The following PTPRS variants were observed in gnomAD, a reference collection of about 807,000 sequenced individuals.
PTPRS encodes the protein receptor-type tyrosine-protein phosphatase S.
PTPRS carries 63 observed loss-of-function variants against 215.3 expected under a neutral mutation model. The ratio of observed to expected loss-of-function variants is 0.29; its 90% CI spans 0.24 to 0.36. The LOEUF (loss-of-function observed/expected upper bound fraction) is 0.36, where lower values mean the gene tolerates loss of function less well. PTPRS is among the 10% of genes least tolerant of loss of function. The pLI is 1.00. For synonymous variants in PTPRS, 1,404 were observed against 1,191.4 expected, an observed-to-expected ratio of 1.18 and a Z score of -3.68; for missense variants, 2,258 against 2,825.8, an observed-to-expected ratio of 0.80 and a Z score of 4.56.
chr19:5,315,351 G>GTTT lies in PTPRS; in HGVS notation c.-95+25310_-95+25312dup, dbSNP rs952833168. On this transcript the variant is annotated intron_variant, in intron 1 of 37. Coordinates refer to ENST00000262963, the MANE Select transcript of PTPRS (RefSeq NM_002850.4). ...CATGGAGAATTTTTATTTGAAAAGG[G>GTTT]TTTTTTTTTTTTTTTTTTTTTTTTT... 9.9e-4 allele frequency among the ~76,000 whole-genome samples: 79 copies of GTTT among 79,780 alleles called. 1 individual carries two copies. Among genetic ancestry groups the GTTT allele is most frequent in the East Asian group, 5.6e-3 (14 of 2,478 alleles). The allele number at this position is 79,780 out of a possible 152,430, so 52.3% of individuals were successfully genotyped here. A position where few individuals can be genotyped will look rare whatever the true frequency, so the allele number is the denominator to read the frequency against.
Position 5,211,715 on chromosome 19 carries a change from A to G in PTPRS, c.5109T>C (p.Pro1703=), listed in dbSNP as rs754864083. 1 of 1,614,132 alleles carries G rather than the reference A, an allele frequency of 6.2e-7. No individual in the cohort carries two copies. The highest frequency in any genetic ancestry group is 1.1e-5 in the South Asian group (1 of 91,088). The change falls in exon 33 of 38, where the codon CCT becomes CCC. Residue 1703 remains proline, a synonymous_variant. Coordinates refer to ENST00000262963, the MANE Select transcript of PTPRS (RefSeq NM_002850.4). The part of the protein sequence containing the change: ...HTSRFISANL[P]CNKFKNRLVN... ...CCAGGCGGTTCTTGAACTTGTTACAAGGCAGATTGGCACTGATGAAGCGTG... is the reference window on the plus strand; with the variant it reads ...CCAGGCGGTTCTTGAACTTGTTACAGGGCAGATTGGCACTGATGAAGCGTG...
At position 5,287,467 on chromosome 19, in the gene PTPRS, C is replaced by T. The variant is rs943916084; in HGVS notation, c.-94-1233G>A. 1.3e-5 allele frequency among the ~76,000 whole-genome samples: 2 copies of T among 152,222 alleles called. No individual in the cohort carries two copies. The highest frequency in any genetic ancestry group is 2.9e-5 in the Non-Finnish European group (2 of 68,026). On this transcript the variant is annotated intron_variant, in intron 1 of 37. Transcript: ENST00000262963. The surrounding 1 kb of genome is among the most constrained non-coding windows in gnomAD (Gnocchi z 4.8). ...CTGGAATGGCCCCCTCCCCATCTCCCCAATCTCCACTCTGTCCAGAGCCAG... is the reference window on the plus strand; with the variant it reads ...CTGGAATGGCCCCCTCCCCATCTCCTCAATCTCCACTCTGTCCAGAGCCAG...
intron 13 of PTPRS, among the ~76,000 whole-genome samples, 164 bp from the exon 14 acceptor site, chr19:5,231,779 CA>C (rs2043038165): frequency 7.6e-6 from 1 of 131,562 alleles, no homozygotes; most frequent in Admixed American, 8.8e-5. Flanking sequence ...AAGTGGGTGT[CA>C]ACCAAAGGTG....
intron 13 of PTPRS, among the ~76,000 whole-genome samples, chr19:5,238,511 C>T (rs145839438): frequency 2.0e-5 from 3 of 152,272 alleles, no homozygotes; most frequent in Non-Finnish European, 2.9e-5. Context: ...GGGTGCGAGC[C>T]GTGACCACAG....
At chr19:5,315,587 ACT>A (rs1186082130) in intron 1 of PTPRS, among the ~76,000 whole-genome samples, 1 of 151,112 alleles carries the variant, frequency 6.6e-6, no homozygotes, top group Non-Finnish European at 1.5e-5. Flanking sequence ...CTGATCTGGA[ACT>A]CCAGGCCCCA....
At chr19:5,325,945 A>T (rs530534460) in intron 1 of PTPRS, among the ~76,000 whole-genome samples, 1 of 152,332 alleles carries the variant, frequency 6.6e-6, no homozygotes, top group African/African-American at 2.4e-5. Context: ...ATTCAATAAC[A>T]CTGGGACAGG....
Position 5,229,349 on chromosome 19 carries a change from G to A in PTPRS, c.2350-7C>T. On this transcript the variant is annotated splice_region_variant and splice_polypyrimidine_tract_variant and intron_variant, in intron 15 of 37. Transcript: ENST00000262963. ...CCGTGTCATCCGTCTCCCACTGAGC[G>A]CGGGAGGAGGCGGCAGGGGAGAGAG... 1.5e-6 allele frequency: 2 copies of A among 1,378,742 alleles called. No homozygotes were observed. The highest frequency in any genetic ancestry group is 1.5e-5 in the African/African-American group (1 of 66,754). 85.4% of individuals were successfully genotyped at this position (1,378,742 alleles called of 1,614,324 possible).
At chr19:5,223,591 C>A (rs2042212426) in intron 17 of PTPRS, among the ~76,000 whole-genome samples, 1 of 137,790 alleles carries the variant, frequency 7.3e-6, no homozygotes, top group Non-Finnish European at 1.5e-5. Context: ...GAGACAGAAT[C>A]TTGCTCTGTT....
Position 5,210,503 on chromosome 19 carries a change from T to C in PTPRS, c.5453A>G (p.Tyr1818Cys). The C allele has an allele frequency of 6.2e-7, 1 of 1,614,202 alleles. No homozygotes were observed. The highest frequency in any genetic ancestry group is 8.5e-7 in the Non-Finnish European group (1 of 1,180,038). Reference protein sequence around the residue: ...DPMAEYNMPQYILREFKVTDA... With the variant: ...DPMAEYNMPQCILREFKVTDA... ...TGTGACCTTGAACTCTCGCAGGATA[T>C]ACTGAGGCATGTTGTATTCTGCCAT... Residue 1818 changes from tyrosine to cysteine, a missense_variant, in exon 35 of 38, where the codon TAT becomes TGT. Physicochemically the swap from Tyr to Cys is radical, Grantham distance 194. This residue lies in a region of PTPRS where 927 missense variants were observed against 1,125.9 expected (regional missense o/e 0.82). Transcript: ENST00000262963. This position sits in a 1 kb window ranked among gnomAD's most constrained non-coding sequence, Gnocchi z 4.5.
At chr19:5,219,765 T>C (rs563268903) in intron 22 of PTPRS, among the ~76,000 whole-genome samples, 174 bp downstream of exon 22, 1 of 152,304 alleles carries the variant, frequency 6.6e-6, no homozygotes, top group East Asian at 1.9e-4. Flanking sequence ...CCAAGGTCTC[T>C]TCCTCTAAGA....
At position 5,293,265 on chromosome 19, in the gene PTPRS, CTGGGGAG is replaced by C. The variant is rs1038269956; in HGVS notation, c.-94-7038_-94-7032del. 5.4e-4 allele frequency: 76 copies of C among 141,680 alleles called. No homozygotes were observed. Among genetic ancestry groups the C allele is most frequent in the African/African-American group, 1.9e-3 (73 of 38,344 alleles). 8.8% of individuals were successfully genotyped at this position (141,680 alleles called of 1,614,324 possible). ...GCGAAGACTCGGGAGAGGCCTCGGC[CTGGGGAG>C]CTCGGCCTGGGGGCGGGGCAAGGGG... On this transcript the variant is annotated intron_variant, in intron 1 of 37. Coordinates refer to ENST00000262963, the MANE Select transcript of PTPRS (RefSeq NM_002850.4). The surrounding 1 kb of genome is among the most constrained non-coding windows in gnomAD (Gnocchi z 8.4).
At chr19:5,314,977 G>T (rs1292675929) in intron 1 of PTPRS, among the ~76,000 whole-genome samples, 1 of 152,194 alleles carries the variant, frequency 6.6e-6, no homozygotes, top group African/African-American at 2.4e-5. Context: ...CTACCATGAT[G>T]CATTTAGCGA....
chr19:5,252,108 C>T (rs918966958), intron 9 of PTPRS, among the ~76,000 whole-genome samples: 1 of 152,170 alleles, frequency 6.6e-6, no homozygotes, highest in Non-Finnish European at 1.5e-5. Flanking sequence ...GGCCTGGGGA[C>T]AGGTCACAAA....
At position 5,225,723 on chromosome 19, in the gene PTPRS, A is replaced by C; in HGVS notation, c.2494+4T>G. 1 of 1,613,144 alleles carries C rather than the reference A, an allele frequency of 6.2e-7. No homozygotes were observed. The highest frequency in any genetic ancestry group is 8.5e-7 in the Non-Finnish European group (1 of 1,179,252). On this transcript the variant is annotated splice_donor_region_variant and intron_variant, in intron 17 of 37. Coordinates refer to ENST00000262963, the MANE Select transcript of PTPRS (RefSeq NM_002850.4). ...GGTGGGTGGGAGGAGGGCGGGTTGCATACCTGCTCCCTTGGTCACAACCAC... is the reference window on the plus strand; with the variant it reads ...GGTGGGTGGGAGGAGGGCGGGTTGCCTACCTGCTCCCTTGGTCACAACCAC...
At chr19:5,269,335 G>T (rs181362861) in intron 4 of PTPRS, among the ~76,000 whole-genome samples, 1 of 152,094 alleles carries the variant, frequency 6.6e-6, no homozygotes. Context: ...AAACAAAAAC[G>T]TACATCGCGA....
intron 1 of PTPRS, among the ~76,000 whole-genome samples, chr19:5,298,648 A>G (rs2049212924): frequency 6.6e-6 from 1 of 152,144 alleles, no homozygotes; most frequent in Admixed American, 6.5e-5. Context: ...TGTTCACATC[A>G]CAGCCCTGGC....
intron 13 of PTPRS, among the ~76,000 whole-genome samples, chr19:5,233,270 C>T (rs2043168567): frequency 6.6e-6 from 1 of 151,696 alleles, no homozygotes; most frequent in Admixed American, 6.6e-5. Context: ...GCGCCAAGCA[C>T]TTCACGAAAT....
At chr19:5,309,323 C>G (rs1043997564) in intron 1 of PTPRS, among the ~76,000 whole-genome samples, 1 of 152,214 alleles carries the variant, frequency 6.6e-6, no homozygotes, top group Non-Finnish European at 1.5e-5. Flanking sequence ...CTAGCCCCAT[C>G]CAGCCCCAAG....
intron 4 of PTPRS, among the ~76,000 whole-genome samples, chr19:5,268,048 T>C (rs935017084): frequency 6.6e-6 from 1 of 152,068 alleles, no homozygotes; most frequent in Non-Finnish European, 1.5e-5. Context: ...CGGGCACCTG[T>C]AGTCCCAGCT....
Sources: allele counts gnomAD v4.1 joint callset (sites outside exome capture counted in the v4.1 genomes callset), GRCh38; gene constraint gnomAD v4.1.1; regional missense constraint gnomAD v4.1.1; non-coding constraint Gnocchi (gnomAD v3.1); transcripts MANE v1.5; gene names NCBI Gene and HGNC (gene_info 2026-07-23, HGNC 2026-07-21).